Variants in ZBTB16 observed in about 807,000 individuals in gnomAD.
ZBTB16 encodes zinc finger and BTB domain-containing protein 16.
Under a neutral mutation model 56.8 loss-of-function variants are expected in ZBTB16, and 8 were observed. That is an observed-to-expected ratio of 0.14 (90% confidence interval 0.08 to 0.25). ZBTB16 has a LOEUF of 0.25. ZBTB16 is among the 10% of genes least tolerant of loss of function. The pLI is 1.00. For missense variants in ZBTB16, 625 were observed against 903.0 expected (o/e 0.69, Z 3.95); for synonymous variants, 363 against 368.5 (o/e 0.98, Z 0.17).
At chr11:114,169,524 T>C (rs907054857) in intron 3 of ZBTB16, among the ~76,000 whole-genome samples, 2 of 152,142 alleles carry the variant, frequency 1.3e-5, no homozygotes, top group African/African-American at 4.8e-5. Context: ...GTGGCCCTCT[T>C]TTGCAGGAAA....
In ZBTB16 at chr11:114,119,332, T is replaced by TTG. The variant is rs1162220339; in HGVS notation, c.1269-36992_1269-36991dup. Among the ~76,000 whole-genome samples the TTG allele has an allele frequency of 1.4e-4, 20 of 147,390 alleles. 1 individual carries two copies. The South Asian group carries it at 2.4e-3, about 18-fold the overall frequency. Reference sequence around the variant, plus strand: ...TTGTTAGGGGGTATTGTATACGAGTTTGTGTGTGTGTGTGCGCGCGTGTGT... The same window carrying TTG: ...TTGTTAGGGGGTATTGTATACGAGTTTGTGTGTGTGTGTGTGCGCGCGTGTGT... On this transcript the variant is annotated intron_variant, in intron 2 of 6. Transcript: ENST00000335953.
chr11:114,151,614 T>A (rs1489289779), intron 2 of ZBTB16, among the ~76,000 whole-genome samples: 1 of 152,230 alleles, frequency 6.6e-6, no homozygotes, highest in Non-Finnish European at 1.5e-5. Flanking sequence ...GTTGGTCTGC[T>A]CCAACTTGAG....
intron 2 of ZBTB16, among the ~76,000 whole-genome samples, chr11:114,103,140 C>T (rs1266689029): frequency 3.9e-5 from 6 of 152,210 alleles, no homozygotes; most frequent in Non-Finnish European, 5.9e-5. Context: ...TATTGAGGTT[C>T]GACTGTAAGG....
intron 2 of ZBTB16, among the ~76,000 whole-genome samples, chr11:114,077,060 C>T (rs1455297041): frequency 6.6e-6 from 1 of 152,160 alleles, no homozygotes; most frequent in African/African-American, 2.4e-5. Flanking sequence ...GCAAGCAGAT[C>T]ATGTTAACTG....
intron 2 of ZBTB16, among the ~76,000 whole-genome samples, chr11:114,147,291 G>T (rs577890365): frequency 6.6e-6 from 1 of 152,202 alleles, no homozygotes; most frequent in East Asian, 1.9e-4. Context: ...CCTGGCTAGA[G>T]TGGAAACATA....
chr11:114,232,426 C>T (rs1377910342), intron 4 of ZBTB16, among the ~76,000 whole-genome samples: 1 of 152,158 alleles, frequency 6.6e-6, no homozygotes, highest in Non-Finnish European at 1.5e-5. Context: ...AAACAGTTCT[C>T]TGCATCTTGG....
chr11:114,227,296 C>T (rs528289898), intron 4 of ZBTB16, among the ~76,000 whole-genome samples: 1 of 152,340 alleles, frequency 6.6e-6, no homozygotes, highest in African/African-American at 2.4e-5. Context: ...CCATCCACCT[C>T]CTGGGCCCCA....
intron 4 of ZBTB16, among the ~76,000 whole-genome samples, chr11:114,204,972 T>C (rs1045044705): frequency 7.9e-5 from 12 of 152,142 alleles, no homozygotes; most frequent in African/African-American, 2.4e-4. Context: ...GAGGAAAATA[T>C]AGGCATCAAT....
intron 4 of ZBTB16, among the ~76,000 whole-genome samples, chr11:114,191,348 G>A (rs1591766771): frequency 6.6e-6 from 1 of 152,190 alleles, no homozygotes; most frequent in African/African-American, 2.4e-5. Flanking sequence ...ACATTTAGAT[G>A]TGTTTAGATA....
At chr11:114,227,719 A>G (rs116492172) in intron 4 of ZBTB16, among the ~76,000 whole-genome samples, 3,711 of 152,284 alleles carry the variant, frequency 0.024, 167 homozygotes, top group African/African-American at 0.083. Flanking sequence ...TGGGAGGCCA[A>G]GCATTTAGTT....
In ZBTB16 at chr11:114,206,326, T is replaced by C. The variant is rs570790771; in HGVS notation, c.1453+19288T>C. On this transcript the variant is annotated intron_variant, in intron 4 of 6. Transcript: ENST00000335953. ...TGAGCTTCAGAGGGGTTCTGGGATT[T>C]GTCTGGGATCACACAGCAGGCTAGA... Among the ~76,000 whole-genome samples the C allele has an allele frequency of 1.2e-3, 186 of 152,304 alleles. 2 individuals carry two copies. Among genetic ancestry groups the C allele is most frequent in the African/African-American group, 4.4e-3 (182 of 41,562 alleles).
chr11:114,132,897 GAGAT>G (rs1941702994), intron 2 of ZBTB16, among the ~76,000 whole-genome samples: 2 of 152,082 alleles, frequency 1.3e-5, no homozygotes. Flanking sequence ...TCCTTTCTCT[GAGAT>G]AGAAGTGTAT....
intron 2 of ZBTB16, among the ~76,000 whole-genome samples, chr11:114,085,662 G>A (rs1241106005): frequency 1.3e-5 from 2 of 152,178 alleles, no homozygotes; most frequent in African/African-American, 2.4e-5. Flanking sequence ...TTAGAGAATG[G>A]CTAGGCTTTG....
chr11:114,163,073 T>A (rs547017972), intron 3 of ZBTB16, among the ~76,000 whole-genome samples: 14 of 152,296 alleles, frequency 9.2e-5, no homozygotes, highest in Non-Finnish European at 1.5e-4. Context: ...TCCAAGCCCG[T>A]ACACGGGAGA....
intron 2 of ZBTB16, among the ~76,000 whole-genome samples, chr11:114,153,604 A>T (rs961916973): frequency 2.0e-5 from 3 of 152,350 alleles, no homozygotes; most frequent in Middle Eastern, 3.4e-3. Flanking sequence ...CACTTGGATT[A>T]GATTTTAAAT....
chr11:114,139,043 C>T (rs564443578), intron 2 of ZBTB16, among the ~76,000 whole-genome samples: 4 of 152,180 alleles, frequency 2.6e-5, no homozygotes, highest in Non-Finnish European at 5.9e-5. Flanking sequence ...CTCACCTGCT[C>T]TCTCAGCCCA....
intron 4 of ZBTB16, among the ~76,000 whole-genome samples, chr11:114,213,186 T>C (rs1944029719): frequency 6.6e-6 from 1 of 151,984 alleles, no homozygotes; most frequent in African/African-American, 2.4e-5. Context: ...CACCCAGGCT[T>C]TTGGTGACGT....
chr11:114,148,738 C>T (rs960167390), intron 2 of ZBTB16, among the ~76,000 whole-genome samples: 24 of 151,830 alleles, frequency 1.6e-4, no homozygotes, highest in African/African-American at 4.8e-4. Context: ...CGTTATCTGC[C>T]GGTCACAGCC....
At chr11:114,088,813 T>A (rs537191627) in intron 2 of ZBTB16, among the ~76,000 whole-genome samples, 33 of 152,246 alleles carry the variant, frequency 2.2e-4, no homozygotes, top group Non-Finnish European at 1.2e-4. Context: ...TCTTTTCTTT[T>A]TTAATTGGGG....
Sources: gnomAD v4.1 joint callset for allele counts (sites outside exome capture counted in the v4.1 genomes callset) on GRCh38, gnomAD v4.1.1 for gene constraint, MANE v1.5 for transcripts, NCBI Gene and HGNC (gene_info 2026-07-23, HGNC 2026-07-21) for gene names.